The following GABRB1 variants were observed in gnomAD, a reference collection of about 807,000 sequenced individuals.
GABRB1 encodes the protein gamma-aminobutyric acid type A receptor subunit beta1, also known as gamma-aminobutyric acid receptor subunit beta-1.
In GABRB1, 17 loss-of-function variants were observed where a neutral mutation model predicts 51.6. That is an observed-to-expected ratio of 0.33 (90% CI 0.23 to 0.49). The LOEUF is 0.49. Ranked by LOEUF, GABRB1 falls within the 20% of genes least tolerant of loss-of-function variation. The probability of loss-of-function intolerance (pLI) is 0.99; values close to 1 mark genes in which losing one functional copy is unlikely to be tolerated. For missense variants in GABRB1, 410 were observed against 600.6 expected (o/e 0.68, Z 3.32); for synonymous variants, 247 against 218.9 (o/e 1.13, Z -1.14).
intron 1 of GABRB1, among the ~76,000 whole-genome samples, chr4:46,996,083 T>C (rs933409046): frequency 6.6e-6 from 1 of 152,012 alleles, no homozygotes; most frequent in East Asian, 1.9e-4. Context: ...TTTTTTTTTT[T>C]TTTAGAAATC....
chr4:47,161,463 G>T lies in GABRB1; in HGVS notation c.455G>T (p.Gly152Val). ...RLHPDGTVLY[G>V]LRITTTAACM... ...CATCCTGATGGAACAGTTCTCTATG[G>T]ACTCCGGTAAATGGCTTTATGTTGC... Residue 152 changes from glycine to valine, a missense_variant, in exon 4 of 9, where the codon GGA (glycine) becomes GTA (valine). Coordinates refer to ENST00000295454, the MANE Select transcript of GABRB1 (RefSeq NM_000812.4). 3.1e-6 allele frequency: 5 copies of T among 1,610,234 alleles called. No homozygotes were observed. The highest frequency in any genetic ancestry group is 3.4e-6 in the Non-Finnish European group (4 of 1,177,242).
At chr4:47,103,363 G>T (rs926601835) in intron 3 of GABRB1, among the ~76,000 whole-genome samples, 15 of 151,940 alleles carry the variant, frequency 9.9e-5, no homozygotes, top group Non-Finnish European at 1.9e-4. Flanking sequence ...TTTTCCCAAT[G>T]GTAGCTTTCT....
intron 3 of GABRB1, among the ~76,000 whole-genome samples, chr4:47,101,647 T>C (rs2061140676): frequency 6.6e-6 from 1 of 152,038 alleles, no homozygotes; most frequent in African/African-American, 2.4e-5. Flanking sequence ...TCCCATCCTG[T>C]GATGCTTACT....
intron 5 of GABRB1, among the ~76,000 whole-genome samples, chr4:47,329,114 AGTCTGCC>A (rs1174136436): frequency 1.3e-5 from 2 of 152,150 alleles, no homozygotes; most frequent in Non-Finnish European, 2.9e-5. Flanking sequence ...GTTCTATAAA[AGTCTGCC>A]CTTGAATGGT....
chr4:47,194,430 T>C (rs1719564825), intron 4 of GABRB1, among the ~76,000 whole-genome samples: 1 of 152,186 alleles, frequency 6.6e-6, no homozygotes, highest in Admixed American at 6.5e-5. Context: ...CTTATGAAAA[T>C]GAGGGAAGAC....
intron 5 of GABRB1, among the ~76,000 whole-genome samples, chr4:47,391,211 T>C (rs888033486): frequency 2.2e-5 from 3 of 138,842 alleles, no homozygotes; most frequent in South Asian, 2.3e-4. Context: ...GGAGTAAGCC[T>C]TCTTTTTTTC....
intron 5 of GABRB1, among the ~76,000 whole-genome samples, chr4:47,336,896 AG>A (rs1229938457): frequency 6.6e-6 from 1 of 152,208 alleles, no homozygotes; most frequent in Non-Finnish European, 1.5e-5. Flanking sequence ...GATGGGAGTG[AG>A]TGGTGAGGTG....
In GABRB1 at chr4:47,024,748, A is replaced by G. The variant is rs533519537; in HGVS notation, c.-19-7166A>G. On this transcript the variant is annotated intron_variant, in intron 1 of 3. Coordinates refer to the GABRB1 transcript ENST00000513567. ...CTGACCCTTTCCTTCTGAATCCCCAAAGTTCACTGTGTCATTCTTATGCCC... is the reference window on the plus strand; with the variant it reads ...CTGACCCTTTCCTTCTGAATCCCCAGAGTTCACTGTGTCATTCTTATGCCC... Among the ~76,000 whole-genome samples, 8 of 151,082 alleles carry G rather than the reference A, an allele frequency of 5.3e-5. No individual in the cohort carries two copies. In the East Asian group the frequency reaches 7.8e-4, roughly 15 times the overall value.
At chr4:47,417,608 G>C (rs966195545) in intron 8 of GABRB1, among the ~76,000 whole-genome samples, 1 of 152,186 alleles carries the variant, frequency 6.6e-6, no homozygotes, top group Non-Finnish European at 1.5e-5. Context: ...TTCTCTACAA[G>C]GGAAGGCAGC....
chr4:47,282,232 T>G (rs769366005), intron 4 of GABRB1, among the ~76,000 whole-genome samples: 1 of 152,204 alleles, frequency 6.6e-6, no homozygotes, highest in Non-Finnish European at 1.5e-5. Context: ...CTAAAACACA[T>G]GTTCTTTTGT....
At chr4:47,158,480 A>G (rs566169959) in intron 3 of GABRB1, among the ~76,000 whole-genome samples, 1 of 152,234 alleles carries the variant, frequency 6.6e-6, no homozygotes, top group East Asian at 1.9e-4. Context: ...TACACATTAA[A>G]GCTTTATAGA....
chr4:47,131,146 A>G (rs896917370), intron 3 of GABRB1, among the ~76,000 whole-genome samples: 6 of 152,078 alleles, frequency 3.9e-5, no homozygotes, highest in South Asian at 2.1e-4. Flanking sequence ...CTTAAGTCCA[A>G]ACTTTCTTCT....
intron 4 of GABRB1, among the ~76,000 whole-genome samples, chr4:47,196,465 G>C (rs928798755): frequency 1.3e-5 from 2 of 152,192 alleles, no homozygotes; most frequent in Non-Finnish European, 2.9e-5. Flanking sequence ...ATCAGGTACA[G>C]CATGGACGGC....
chr4:47,099,102 C>T (rs193250600), intron 3 of GABRB1, among the ~76,000 whole-genome samples: 5 of 152,194 alleles, frequency 3.3e-5, no homozygotes, highest in African/African-American at 1.2e-4. Context: ...TGTGAAGATA[C>T]ATCCATGGTA....
At position 47,063,828 on chromosome 4, in the gene GABRB1, C is replaced by T. The variant is rs151089014; in HGVS notation, c.240+31344C>T. Among the ~76,000 whole-genome samples, 1,298 of 152,002 alleles carry T rather than the reference C, an allele frequency of 8.5e-3. 14 individuals carry two copies. The highest frequency in any genetic ancestry group is 0.028 in the African/African-American group (1,178 of 41,434). On this transcript the variant is annotated intron_variant, in intron 3 of 8. Transcript: ENST00000295454. ...CGTGCCCTCACTTATAAGTGGGAGC[C>T]GAACAATGAGAACACATGGACATGG...
intron 4 of GABRB1, among the ~76,000 whole-genome samples, chr4:47,255,810 G>A (rs1277927852): frequency 6.6e-6 from 1 of 152,190 alleles, no homozygotes; most frequent in African/African-American, 2.4e-5. Flanking sequence ...GGTGCTTCTG[G>A]CCTGGGACCA....
chr4:47,412,399 ATAAG>A (rs1204773308), intron 8 of GABRB1, among the ~76,000 whole-genome samples: 1 of 152,180 alleles, frequency 6.6e-6, no homozygotes, highest in Non-Finnish European at 1.5e-5. Context: ...CATATTCATA[ATAAG>A]TAAGAAAAAG....
intron 3 of GABRB1, among the ~76,000 whole-genome samples, chr4:47,058,693 A>G (rs1378584689): frequency 3.9e-5 from 6 of 152,102 alleles, no homozygotes. Flanking sequence ...TTTATCTGCA[A>G]TATGTTTTAC....
intron 3 of GABRB1, among the ~76,000 whole-genome samples, chr4:47,110,886 C>T (rs888338606): frequency 1.3e-5 from 2 of 152,038 alleles, no homozygotes; most frequent in South Asian, 2.1e-4. Context: ...TCACCATATG[C>T]CAGGGACTTT....
Sources: gnomAD v4.1 joint callset for allele counts (sites outside exome capture counted in the v4.1 genomes callset) on GRCh38, gnomAD v4.1.1 for gene constraint, MANE v1.5 for transcripts, NCBI Gene and HGNC (gene_info 2026-07-23, HGNC 2026-07-21) for gene names.